The following ST7L variants were observed in gnomAD, a reference collection of about 807,000 sequenced individuals.
ST7L encodes suppression of tumorigenicity 7 like.
ST7L carries 57 observed loss-of-function variants against 72.5 expected under a neutral mutation model. The observed-to-expected ratio is 0.79, with a 90% confidence interval of 0.64 to 0.98. The LOEUF (loss-of-function observed/expected upper bound fraction) is 0.98, where lower values mean the gene tolerates loss of function less well. ST7L is among the 50% of genes least tolerant of loss of function. ST7L has a pLI of 0.00. For synonymous variants in ST7L, 221 were observed against 240.9 expected, an observed-to-expected ratio of 0.92 and a Z score of 0.77; for missense variants, 576 against 672.2, an observed-to-expected ratio of 0.86 and a Z score of 1.58.
rs1653073564 is a variant in ST7L at position 112,524,233 on chromosome 1, C to T, written c.*1780G>A. 1 of 152,546 alleles carries T rather than the reference C, an allele frequency of 6.6e-6. No individual in the cohort carries two copies. The highest frequency in any genetic ancestry group is 2.4e-5 in the African/African-American group (1 of 41,416). 9.4% of individuals were successfully genotyped at this position (152,546 alleles called of 1,614,324 possible). A position where few individuals can be genotyped will look rare whatever the true frequency, so the allele number is the denominator to read the frequency against. The stretch of plus-strand genomic sequence containing the variant: ...GGACACGAGTCTCTACATGGCTTAA[C>T]AGAAGAGAGATAATTAGGATTTTTT... On this transcript the variant is annotated 3_prime_UTR_variant, in exon 15 of 15. Coordinates refer to ENST00000358039, the MANE Select transcript of ST7L (RefSeq NM_017744.5).
At chr1:112,562,232 T>C (rs1048271638) in intron 11 of ST7L, among the ~76,000 whole-genome samples, 2 of 152,174 alleles carry the variant, frequency 1.3e-5, no homozygotes, top group Non-Finnish European at 2.9e-5. Context: ...CCTCTTGAAG[T>C]GCTGGGATTA....
chr1:112,520,247 CTT>C (rs761878587), downstream of ST7L: 30 of 1,593,826 alleles, frequency 1.9e-5, no homozygotes, highest in Non-Finnish European at 2.5e-5. Context: ...GAAGAGATAA[CTT>C]TGTTCTCACT....
rs149296350 is a variant in ST7L, at chr1:112,562,386, ATAAG to A, written c.1246-6372_1246-6369del. On this transcript the variant is annotated intron_variant, in intron 11 of 14. Transcript: ENST00000358039. ...TAGGAAGAGTGTTGGACATTAAATG[ATAAG>A]TAAGACAAGTGCCCTGCTTTTGTTC... is the stretch of plus-strand genomic sequence containing the variant. 4.0e-3 allele frequency among the ~76,000 whole-genome samples: 605 copies of A among 152,268 alleles called. 7 individuals are homozygous for A. Among genetic ancestry groups the A allele is most frequent in the African/African-American group, 0.014 (571 of 41,550 alleles).
intron 11 of ST7L, among the ~76,000 whole-genome samples, chr1:112,571,864 T>G (rs1393728711): frequency 1.3e-5 from 2 of 152,144 alleles, no homozygotes; most frequent in African/African-American, 2.4e-5. Flanking sequence ...TCACACAAAT[T>G]TTTTGGTTTC....
At chr1:112,570,225 T>C (rs999215062) in intron 11 of ST7L, among the ~76,000 whole-genome samples, 22 of 151,384 alleles carry the variant, frequency 1.5e-4, no homozygotes, top group African/African-American at 5.3e-4. Context: ...TGCTGTTCTA[T>C]TTTTTTTACT....
intron 3 of ST7L, among the ~76,000 whole-genome samples, chr1:112,608,565 C>T (rs1401039351): frequency 1.3e-5 from 2 of 152,120 alleles, no homozygotes; most frequent in Admixed American, 6.5e-5. Context: ...TATCTTCACT[C>T]TCATTATTAA....
chr1:112,599,305 G>T, intron 4 of ST7L, among the ~76,000 whole-genome samples: 2 of 151,712 alleles, frequency 1.3e-5, no homozygotes, highest in South Asian at 4.2e-4. Flanking sequence ...ATAAAAGCCT[G>T]GCTTTCACTT....
Position 112,600,864 on chromosome 1 carries a change from GA to G in ST7L, c.452-17del. On this transcript the variant is annotated splice_polypyrimidine_tract_variant and intron_variant, in intron 3 of 14. Transcript: ENST00000358039. ...ACCTTACATTCTGAAAAACAAGGGA[GA>G]AAAAGGGGGAAAAAGAGACACTTTA... is the stretch of plus-strand genomic sequence containing the variant. The G allele has an allele frequency of 1.3e-6, 2 of 1,595,060 alleles. No individual in the cohort carries two copies. Among genetic ancestry groups the G allele is most frequent in the African/African-American group, 1.3e-5 (1 of 74,384 alleles).
At chr1:112,570,719 G>T (rs1299746827) in intron 11 of ST7L, 8 of 455,328 alleles carry the variant, frequency 1.8e-5, no homozygotes, top group Admixed American at 4.7e-5. Context: ...CATAACAGGA[G>T]AAAAAGAGGG....
chr1:112,567,257 C>A (rs1661209337), intron 11 of ST7L, among the ~76,000 whole-genome samples: 1 of 152,094 alleles, frequency 6.6e-6, no homozygotes, highest in Non-Finnish European at 1.5e-5. Context: ...ATGAACATCT[C>A]TTTATGTGTT....
rs893292940 is a variant in ST7L, at chr1:112,524,207, A to G, written c.*1806T>C. 1.2e-4 allele frequency: 18 copies of G among 152,594 alleles called. No individual in the cohort carries two copies. Among genetic ancestry groups the G allele is most frequent in the African/African-American group, 4.1e-4 (17 of 41,440 alleles). The allele number at this position is 152,594 out of a possible 1,614,324, so 9.5% of individuals were successfully genotyped here. A position where few individuals can be genotyped will look rare whatever the true frequency, so the allele number is the denominator to read the frequency against. ...CTTTGCCAAATTCTCAGACCCACTC[A>G]GGACACGAGTCTCTACATGGCTTAA... On this transcript the variant is annotated 3_prime_UTR_variant, in exon 15 of 15. Transcript: ENST00000358039.
At chr1:112,584,604 C>A (rs1050362433) in intron 6 of ST7L, among the ~76,000 whole-genome samples, 16 of 152,028 alleles carry the variant, frequency 1.1e-4, no homozygotes, top group African/African-American at 3.9e-4. Flanking sequence ...TCTCCTGCCT[C>A]AGCCTCCCGA....
intron 3 of ST7L, among the ~76,000 whole-genome samples, chr1:112,609,615 A>G (rs777773698): frequency 1.4e-4 from 22 of 151,970 alleles, no homozygotes; most frequent in Non-Finnish European, 2.6e-4. Context: ...TGAGGTCAAG[A>G]GATTGAGACC....
chr1:112,528,769 C>T (rs1653869705), intron 14 of ST7L: 1 of 152,196 alleles, frequency 6.6e-6, no homozygotes, highest in Non-Finnish European at 1.5e-5. Context: ...ACATATTCTA[C>T]TTGGTATATT....
In ST7L at chr1:112,525,541, T is replaced by A; in HGVS notation, c.*472A>T. The A allele has an allele frequency of 6.7e-6, 1 of 149,772 alleles. No individual in the cohort carries two copies. The allele number at this position is 149,772 out of a possible 1,614,324, so 9.3% of individuals were successfully genotyped here. ...TCTCGGTGGCTATTCCTCATTTACTTAAGATGTTTTAGTCATTCTGGATGT... is the reference window on the plus strand; with the variant it reads ...TCTCGGTGGCTATTCCTCATTTACTAAAGATGTTTTAGTCATTCTGGATGT... On this transcript the variant is annotated 3_prime_UTR_variant, in exon 15 of 15. Coordinates refer to ENST00000358039, the MANE Select transcript of ST7L (RefSeq NM_017744.5).
chr1:112,592,788 G>C (rs1665898319), intron 5 of ST7L, among the ~76,000 whole-genome samples: 1 of 152,062 alleles, frequency 6.6e-6, no homozygotes, highest in African/African-American at 2.4e-5. Context: ...GGACAATTAA[G>C]TCATACTAAG....
At chr1:112,603,594 A>G (rs927768653) in intron 3 of ST7L, among the ~76,000 whole-genome samples, 2 of 152,252 alleles carry the variant, frequency 1.3e-5, no homozygotes, top group African/African-American at 4.8e-5. Flanking sequence ...GCTGTCTTCT[A>G]TTAACTGAAC....
chr1:112,531,074 T>C (rs749065371), intron 14 of ST7L, among the ~76,000 whole-genome samples: 1 of 152,252 alleles, frequency 6.6e-6, no homozygotes, highest in Non-Finnish European at 1.5e-5. Flanking sequence ...AGCTCTTTCC[T>C]ATTCTCTCAC....
At chr1:112,610,762 T>C (rs1174491688) in intron 3 of ST7L, 79 bp downstream of exon 3, 6 of 1,518,688 alleles carry the variant, frequency 4.0e-6, no homozygotes, top group Non-Finnish European at 5.4e-6. Flanking sequence ...AGCACTCTGC[T>C]GTTTTGAGTT....
Sources: allele counts gnomAD v4.1 joint callset (sites outside exome capture counted in the v4.1 genomes callset), GRCh38; gene constraint gnomAD v4.1.1; transcripts MANE v1.5; gene names NCBI Gene and HGNC (gene_info 2026-07-23, HGNC 2026-07-21).